CES4A: variants seen among roughly 807,000 people sequenced by gnomAD.
The protein encoded by CES4A is carboxylesterase 4A, also known as carboxylesterase 6.
CES4A carries 48 observed loss-of-function variants against 65.4 expected under a neutral mutation model. The ratio of observed to expected loss-of-function variants is 0.73; its 90% CI spans 0.58 to 0.93. The LOEUF is 0.93. Among genes scored for constraint, CES4A ranks in the 40% least tolerant of loss-of-function variants. CES4A has a pLI of 0.00. For synonymous variants in CES4A, 247 were observed against 281.8 expected (o/e 0.88, Z 1.24); for missense variants, 685 against 728.5 (o/e 0.94, Z 0.69).
Position 67,001,365 on chromosome 16 carries a change from G to A in CES4A, c.594G>A (p.Leu198=), listed in dbSNP as rs1195545150. The change falls in exon 5 of 14, where the codon CTG becomes CTA. Residue 198 remains leucine (L), a synonymous_variant. Coordinates refer to ENST00000648724, the Ensembl canonical transcript of CES4A. This position sits in a 1 kb window ranked among gnomAD's most constrained non-coding sequence, Gnocchi z 4.1. The stretch of plus-strand genomic sequence containing the variant: ...GGCTGCTGGACCAGATGGCGGCTCT[G>A]CGCTGGGTGCAGGAGAACATCGCAG... The A allele has an allele frequency of 1.2e-6, 2 of 1,613,684 alleles. No individual in the cohort carries two copies. Among genetic ancestry groups the A allele is most frequent in the Non-Finnish European group, 1.7e-6 (2 of 1,179,922 alleles).
At chr16:67,008,079 C>G (rs1965911852) in intron 13 of CES4A, 1 of 152,196 alleles carries the variant, frequency 6.6e-6, no homozygotes, top group South Asian at 2.1e-4. Flanking sequence ...GCCACCACGC[C>G]TAGCCTAATT....
intron 1 of CES4A, among the ~76,000 whole-genome samples, chr16:66,994,562 T>C (rs1964661527): frequency 6.7e-6 from 1 of 149,428 alleles, no homozygotes; most frequent in Admixed American, 6.7e-5. Context: ...TTAAATGAGG[T>C]CGGGCACGGT....
chr16:67,000,990 G>A lies in CES4A; in HGVS notation c.536G>A (p.Ser179Asn). The change falls in exon 4 of 14, where the codon AGC (serine) becomes AAC (asparagine). Residue 179 changes from serine to asparagine, a missense_variant and splice_region_variant. Transcript: ENST00000648724. This position sits in a 1 kb window ranked among gnomAD's most constrained non-coding sequence, Gnocchi z 4.2. ...AGGCTCGGCATCTTCGGCTTCCTGA[G>A]GTGGCGGGGCCGGTACCCTTTGGGA... 6.2e-7 allele frequency: 1 copy of A among 1,612,734 alleles called. No individual in the cohort carries two copies. The highest frequency in any genetic ancestry group is 2.2e-5 in the East Asian group (1 of 44,838).
Position 67,000,542 on chromosome 16 carries a change from C to T in CES4A, c.261-96C>T. 3 of 1,475,260 alleles carry T rather than the reference C, an allele frequency of 2.0e-6. No homozygotes were observed. The highest frequency in any genetic ancestry group is 2.7e-5 in the South Asian group (2 of 73,882). The allele number at this position is 1,475,260 out of a possible 1,614,324, so 91.4% of individuals were successfully genotyped here. A position where few individuals can be genotyped will look rare whatever the true frequency, so the allele number is the denominator to read the frequency against. On this transcript the variant is annotated intron_variant, in intron 2 of 13. Coordinates refer to ENST00000648724, the Ensembl canonical transcript of CES4A. The surrounding 1 kb of genome is among the most constrained non-coding windows in gnomAD (Gnocchi z 4.2). ...GCGCACGCACACGCACGCGCACAGA[C>T]GCTGCCTGGATTTTGCTTTGGGTTC...
intron 1 of CES4A, among the ~76,000 whole-genome samples, chr16:66,993,412 G>C (rs922218015): frequency 6.6e-6 from 1 of 151,914 alleles, no homozygotes; most frequent in Non-Finnish European, 1.5e-5. Context: ...GCAAAATCTC[G>C]GCTCACTGCA....
chr16:67,004,275 T>C, intron 9 of CES4A, 51 bp downstream of exon 9: 2 of 1,601,760 alleles, frequency 1.2e-6, no homozygotes, highest in Non-Finnish European at 1.7e-6. Context: ...GTGAGTACCA[T>C]AGTGGAGGCA....
intron 13 of CES4A, 154 bp from the exon 14 acceptor site, chr16:67,008,820 C>CA (rs1965972792): frequency 1.3e-6 from 1 of 756,128 alleles, no homozygotes; most frequent in African/African-American, 1.7e-5. Flanking sequence ...CCCCAATACA[C>CA]ACTTTCCTAC....
At position 67,003,510 on chromosome 16, in the gene CES4A, C is replaced by T; in HGVS notation, c.901-5C>T. On this transcript the variant is annotated splice_polypyrimidine_tract_variant and splice_region_variant and intron_variant, in intron 7 of 13. Coordinates refer to ENST00000648724, the Ensembl canonical transcript of CES4A. The surrounding 1 kb of genome is among the most constrained non-coding windows in gnomAD (Gnocchi z 4.2). ...TTAACTCTGATCCCTTCCTCTCCCC[C>T]ATAGAGATTCCTCCAACTGAACTTC... 6.2e-7 allele frequency: 1 copy of T among 1,613,082 alleles called. No homozygotes were observed. The highest frequency in any genetic ancestry group is 8.5e-7 in the Non-Finnish European group (1 of 1,179,046).
At chr16:66,999,661 G>C (rs539307926) in intron 2 of CES4A, among the ~76,000 whole-genome samples, 1 of 152,232 alleles carries the variant, frequency 6.6e-6, no homozygotes, top group Non-Finnish European at 1.5e-5. Context: ...AATTAGCTGG[G>C]TGTGATGGCG....
chr16:67,006,092 AG>A, intron 11 of CES4A: 1 of 334,670 alleles, frequency 3.0e-6, no homozygotes, highest in Non-Finnish European at 5.7e-6. Flanking sequence ...AGGCCAAGAA[AG>A]GAAGGTTCAG....
At chr16:67,009,015 A>G (rs1393417513) in exon 14 of CES4A, 2 of 1,614,212 alleles carry the variant, frequency 1.2e-6, no homozygotes, top group Admixed American at 1.7e-5. Flanking sequence ...CCACGCTACA[A>G]CAAGGATGAA....
At chr16:67,006,664 A>G in intron 12 of CES4A, 81 bp from the exon 13 acceptor site, 2 of 1,521,828 alleles carry the variant, frequency 1.3e-6, no homozygotes, top group Non-Finnish European at 1.8e-6. Context: ...CTGCTCCGGA[A>G]GCAGCAGAAG....
chr16:66,988,928 G>C, intron 1 of CES4A, 98 bp downstream of exon 1: 1 of 1,390,364 alleles, frequency 7.2e-7, no homozygotes, highest in Non-Finnish European at 9.6e-7. Context: ...CAGCAGGGCA[G>C]GAGCACTTAG....
chr16:66,993,398 A>G (rs908195678), intron 1 of CES4A, among the ~76,000 whole-genome samples: 5 of 152,152 alleles, frequency 3.3e-5, no homozygotes, highest in African/African-American at 1.2e-4. Context: ...GCTGGAGTGC[A>G]GTGGCAAAAT....
rs759320354 is a variant in CES4A, at chr16:66,995,764, G to A, written c.195G>A (p.Arg65=). The A allele has an allele frequency of 2.5e-5, 40 of 1,614,096 alleles. No individual in the cohort carries two copies. In the Admixed American group the frequency reaches 6.7e-4, roughly 27 times the overall value. ...CCAGACCTCCTCTAGGTATCCTCAGGTTTGCACCTCCAGAACCCCCGGAGC... is the reference window on the plus strand; with the variant it reads ...CCAGACCTCCTCTAGGTATCCTCAGATTTGCACCTCCAGAACCCCCGGAGC... Residue 65 remains arginine, a synonymous_variant, in exon 2 of 14, where the codon AGG becomes AGA. Coordinates refer to ENST00000648724, the Ensembl canonical transcript of CES4A.
At chr16:66,999,354 C>A (rs1965104513) in intron 2 of CES4A, among the ~76,000 whole-genome samples, 1 of 152,214 alleles carries the variant, frequency 6.6e-6, no homozygotes, top group African/African-American at 2.4e-5. Flanking sequence ...AGAGCCCATG[C>A]TACAAAAATA....
chr16:66,994,982 C>T (rs141645764), intron 1 of CES4A, among the ~76,000 whole-genome samples: 74 of 151,582 alleles, frequency 4.9e-4, no homozygotes, highest in Middle Eastern at 6.8e-3. Flanking sequence ...CCAGCCTGGG[C>T]GATAGAGAAA....
At chr16:66,988,601 G>T (rs1004882966) in exon 1 of CES4A, 5 of 1,351,970 alleles carry the variant, frequency 3.7e-6, no homozygotes, top group Admixed American at 2.2e-5. Context: ...AGACAAGGCT[G>T]TGGGCTGGTC....
rs1965783304 is a variant in CES4A at position 67,006,642 on chromosome 16, A to G, written c.1445-103A>G. ...GTTCCTAATCTGTTATGCTCTCCCA[A>G]ATGAAAGTCTTCTGCTCCGGAAGCA... On this transcript the variant is annotated intron_variant, in intron 12 of 13. Transcript: ENST00000648724. 6.5e-7 allele frequency: 1 copy of G among 1,538,384 alleles called. No homozygotes were observed. The highest frequency in any genetic ancestry group is 2.3e-5 in the East Asian group (1 of 44,342).
Sources: allele counts gnomAD v4.1 joint callset (sites outside exome capture counted in the v4.1 genomes callset), GRCh38; gene constraint gnomAD v4.1.1; non-coding constraint Gnocchi (gnomAD v3.1); transcripts MANE v1.5; gene names NCBI Gene and HGNC (gene_info 2026-07-23, HGNC 2026-07-21).